Variants in EYA2 observed in about 807,000 individuals in gnomAD.
EYA2 encodes the protein EYA transcriptional coactivator and phosphatase 2, also known as protein phosphatase EYA2.
EYA2 carries 31 observed loss-of-function variants against 69.2 expected under a neutral mutation model. That is an observed-to-expected ratio of 0.45 (90% CI 0.34 to 0.60). The LOEUF is 0.60. Among genes scored for constraint, EYA2 ranks in the 20% least tolerant of loss-of-function variants. The probability of loss-of-function intolerance (pLI) is 0.02; values close to 1 mark genes in which losing one functional copy is unlikely to be tolerated. For missense variants in EYA2, 622 were observed against 701.2 expected, an observed-to-expected ratio of 0.89 and a Z score of 1.28; for synonymous variants, 257 against 279.4, an observed-to-expected ratio of 0.92 and a Z score of 0.80.
intron 2 of EYA2, among the ~76,000 whole-genome samples, chr20:46,996,207 G>A (rs1321627616): frequency 1.3e-5 from 2 of 152,206 alleles, no homozygotes; most frequent in African/African-American, 4.8e-5. Context: ...ACATAAGTAT[G>A]CACTCAGTAT....
chr20:47,144,366 AAG>A (rs1206420837), intron 10 of EYA2, among the ~76,000 whole-genome samples: 214 of 151,850 alleles, frequency 1.4e-3, no homozygotes, highest in African/African-American at 5.1e-3. Context: ...AAAAAAAAAA[AAG>A]AAAGAAAAAG....
chr20:47,144,878 A>T (rs2033669792), intron 10 of EYA2, among the ~76,000 whole-genome samples: 1 of 151,290 alleles, frequency 6.6e-6, no homozygotes, highest in South Asian at 2.1e-4. Flanking sequence ...ACAAGAGAGA[A>T]AACAAACAAA....
intron 1 of EYA2, among the ~76,000 whole-genome samples, chr20:46,981,004 A>G (rs1003727642): frequency 1.3e-5 from 2 of 152,106 alleles, no homozygotes; most frequent in Non-Finnish European, 2.9e-5. Flanking sequence ...CCATCCATCA[A>G]TTGGTGGAGT....
chr20:47,178,861 T>TA (rs986489105), intron 12 of EYA2, among the ~76,000 whole-genome samples: 1 of 89,504 alleles, frequency 1.1e-5, no homozygotes, highest in Admixed American at 9.6e-5. Flanking sequence ...GATGGGTAGA[T>TA]ACGTGGGTAG....
chr20:47,066,507 T>C (rs1206229588), intron 5 of EYA2, among the ~76,000 whole-genome samples: 1 of 152,188 alleles, frequency 6.6e-6, no homozygotes, highest in Non-Finnish European at 1.5e-5. Context: ...TCCTAACTAA[T>C]GTGGCCATTC....
At chr20:47,018,566 A>C (rs748415876) in intron 5 of EYA2, among the ~76,000 whole-genome samples, 9 of 152,166 alleles carry the variant, frequency 5.9e-5, no homozygotes, top group Non-Finnish European at 1.0e-4. Context: ...TCCCGATGGA[A>C]AGGAGGCTGC....
intron 1 of EYA2, among the ~76,000 whole-genome samples, chr20:46,949,770 G>A (rs960462233): frequency 2.0e-5 from 3 of 152,224 alleles, no homozygotes; most frequent in Non-Finnish European, 4.4e-5. Flanking sequence ...TAAGATTTGT[G>A]TGTATCTGTC....
intron 9 of EYA2, among the ~76,000 whole-genome samples, chr20:47,136,918 C>G (rs2033490012): frequency 6.6e-6 from 1 of 152,150 alleles, no homozygotes; most frequent in Non-Finnish European, 1.5e-5. Context: ...CCGGAGAAAT[C>G]TGTAGAACAT....
intron 1 of EYA2, among the ~76,000 whole-genome samples, chr20:46,895,510 A>G (rs1203765984): frequency 1.3e-5 from 2 of 152,140 alleles, no homozygotes; most frequent in Admixed American, 1.3e-4. Context: ...TTCTTTTCAA[A>G]AGTCCGTTTG....
intron 5 of EYA2, among the ~76,000 whole-genome samples, chr20:47,053,227 C>T (rs2030431946): frequency 1.3e-5 from 2 of 152,134 alleles, no homozygotes; most frequent in Admixed American, 1.3e-4. Context: ...GGAGGCCACC[C>T]AGATCTCTCT....
intron 1 of EYA2, among the ~76,000 whole-genome samples, chr20:46,898,955 C>T (rs1034216129): frequency 1.3e-5 from 2 of 152,168 alleles, no homozygotes; most frequent in African/African-American, 4.8e-5. Flanking sequence ...GCAAATTATA[C>T]CCTTCTGTTT....
At position 47,117,744 on chromosome 20, in the gene EYA2, G is replaced by A. The variant is rs1189313265; in HGVS notation, c.888+20576G>A. ...CAAATCAAAAGTGCCCTCTCTCGAG[G>A]ACTATTAGTTAATTCAGAGGACCAC... On this transcript the variant is annotated intron_variant, in intron 9 of 15. Transcript: ENST00000327619. 5 of 955,116 alleles carry A rather than the reference G, an allele frequency of 5.2e-6. No individual in the cohort carries two copies. The African/African-American group carries it at 5.3e-5, about 10-fold the overall frequency. The allele number at this position is 955,116 out of a possible 1,614,324, so 59.2% of individuals were successfully genotyped here.
intron 9 of EYA2, among the ~76,000 whole-genome samples, chr20:47,123,273 C>T (rs906904833): frequency 1.3e-5 from 2 of 152,068 alleles, no homozygotes; most frequent in Non-Finnish European, 2.9e-5. Context: ...TATCCACCAT[C>T]GCAAACATTT....
chr20:47,180,716 G>C, intron 13 of EYA2, 99 bp from the exon 14 acceptor site: 12 of 1,467,386 alleles, frequency 8.2e-6, no homozygotes, highest in Non-Finnish European at 1.1e-5. Context: ...TAGCCTCCAA[G>C]CCTACCAGAT....
intron 3 of EYA2, among the ~76,000 whole-genome samples, chr20:47,003,899 T>C (rs1982529059): frequency 6.6e-6 from 1 of 152,204 alleles, no homozygotes; most frequent in Non-Finnish European, 1.5e-5. Context: ...GGTTTCCTCA[T>C]CTCTAAACCA....
At chr20:46,945,498 T>TG (rs764704049) in intron 1 of EYA2, among the ~76,000 whole-genome samples, 2 of 152,212 alleles carry the variant, frequency 1.3e-5, no homozygotes, top group Non-Finnish European at 2.9e-5. Context: ...TTCCCACAGT[T>TG]GCGCTGCTTA....
In EYA2 at chr20:47,038,649, C is replaced by T. The variant is rs902747501; in HGVS notation, c.415+22352C>T. Among the ~76,000 whole-genome samples, 4 of 152,268 alleles carry T rather than the reference C, an allele frequency of 2.6e-5. No individual in the cohort carries two copies. The South Asian group carries it at 6.2e-4, about 24-fold the overall frequency. On this transcript the variant is annotated intron_variant, in intron 5 of 15. Transcript: ENST00000327619. Reference sequence around the variant, plus strand: ...GTGATATAAAATTTACCATCTTAACCATTTTTAATTATACAGTAAGGAGTG... The same window carrying T: ...GTGATATAAAATTTACCATCTTAACTATTTTTAATTATACAGTAAGGAGTG...
At chr20:47,073,203 C>T (rs975755072) in intron 6 of EYA2, among the ~76,000 whole-genome samples, 13 of 152,158 alleles carry the variant, frequency 8.5e-5, no homozygotes, top group Non-Finnish European at 1.9e-4. Flanking sequence ...TCCATGAGTT[C>T]CGTGCAGGGT....
At chr20:47,074,807 C>G (rs553674411) in intron 7 of EYA2, among the ~76,000 whole-genome samples, 226 of 152,226 alleles carry the variant, frequency 1.5e-3, no homozygotes, top group African/African-American at 5.2e-3. Flanking sequence ...TTGATGAACC[C>G]TGGTAGTATT....
Sources: gnomAD v4.1 joint callset for allele counts (sites outside exome capture counted in the v4.1 genomes callset) on GRCh38, gnomAD v4.1.1 for gene constraint, MANE v1.5 for transcripts, NCBI Gene and HGNC (gene_info 2026-07-23, HGNC 2026-07-21) for gene names.